Variants in ATPAF1 observed in about 807,000 individuals in gnomAD.
ATPAF1 encodes the protein homolog of yeast ATP11.
ATPAF1 carries 26 observed loss-of-function variants against 43.9 expected under a neutral mutation model. That is an observed-to-expected ratio of 0.59 (90% CI 0.43 to 0.82). The LOEUF (loss-of-function observed/expected upper bound fraction) is 0.82, where lower values mean the gene tolerates loss of function less well. Ranked by LOEUF, ATPAF1 falls within the 40% of genes least tolerant of loss-of-function variation. The probability of loss-of-function intolerance (pLI) is 0.00; values close to 1 mark genes in which losing one functional copy is unlikely to be tolerated. For synonymous variants in ATPAF1, 157 were observed against 168.0 expected (o/e 0.93, Z 0.50); for missense variants, 366 against 435.0 (o/e 0.84, Z 1.41).
At chr1:46,633,630 A>G (rs1002985381), downstream of ATPAF1, 14 of 411,684 alleles carry the variant, frequency 3.4e-5, no homozygotes, top group Admixed American at 1.1e-4. Context: ...AAATAAATAT[A>G]AAGAACAGCT....
intron 4 of ATPAF1, among the ~76,000 whole-genome samples, chr1:46,657,595 A>G (rs1023256011): frequency 5.3e-5 from 8 of 152,182 alleles, no homozygotes; most frequent in Non-Finnish European, 8.8e-5. Context: ...AAATAACTCT[A>G]TGAGGTAAGT....
At chr1:46,664,304 C>T (rs1338521331) in intron 2 of ATPAF1, among the ~76,000 whole-genome samples, 1 of 152,158 alleles carries the variant, frequency 6.6e-6, no homozygotes, top group African/African-American at 2.4e-5. Flanking sequence ...ATCTCTTCAG[C>T]ACAACTCTGT....
At chr1:46,634,049 T>C (rs723334), downstream of ATPAF1, 220,496 of 346,526 alleles carry the variant, frequency 0.64, 73,897 homozygotes, top group Non-Finnish European at 0.73. Context: ...AGTGAAAGGA[T>C]AGCAGCTTCC....
chr1:46,665,284 C>G, exon 2 of ATPAF1: 1 of 1,614,288 alleles, frequency 6.2e-7, no homozygotes, highest in Non-Finnish European at 8.5e-7. Flanking sequence ...GATAAAATCA[C>G]CTTGCCTGGA....
chr1:46,658,221 A>G (rs1292094263), intron 3 of ATPAF1, 32 bp from the exon 4 acceptor site: 18 of 1,465,798 alleles, frequency 1.2e-5, no homozygotes, highest in Non-Finnish European at 1.3e-5. Flanking sequence ...CAATTAACAC[A>G]TAATTAAAAA....
At chr1:46,634,173 C>T (rs1385983050), downstream of ATPAF1, 1 of 246,412 alleles carries the variant, frequency 4.1e-6, no homozygotes, top group Non-Finnish European at 7.9e-6. Flanking sequence ...AGCTTAGGGA[C>T]AGGCCCAACC....
chr1:46,639,233 C>T (rs1569592253), intron 8 of ATPAF1, among the ~76,000 whole-genome samples: 1 of 47,178 alleles, frequency 2.1e-5, no homozygotes, highest in Admixed American at 3.4e-4. Context: ...CATATACACA[C>T]ATACACACAC....
intron 8 of ATPAF1, among the ~76,000 whole-genome samples, chr1:46,640,391 C>T (rs912487953): frequency 6.6e-6 from 1 of 152,196 alleles, no homozygotes; most frequent in African/African-American, 2.4e-5. Context: ...GGGTCGATTA[C>T]CTGAGGTCAG....
chr1:46,661,599 G>C (rs1676388349), intron 2 of ATPAF1, among the ~76,000 whole-genome samples: 2 of 152,128 alleles, frequency 1.3e-5, no homozygotes, highest in African/African-American at 4.8e-5. Flanking sequence ...TCCCACCTGA[G>C]GTTATACATA....
chr1:46,654,703 C>G (rs915710929), intron 4 of ATPAF1, among the ~76,000 whole-genome samples: 1 of 151,958 alleles, frequency 6.6e-6, no homozygotes, highest in African/African-American at 2.4e-5. Flanking sequence ...CCTCCACCCC[C>G]TGACAGGCCC....
chr1:46,664,254 C>CT (rs1281948397), intron 2 of ATPAF1, among the ~76,000 whole-genome samples: 1 of 152,172 alleles, frequency 6.6e-6, no homozygotes, highest in African/African-American at 2.4e-5. Context: ...ATATTAAGTA[C>CT]TTATGCCAGA....
chr1:46,641,617 C>T (rs1675951847), intron 8 of ATPAF1, among the ~76,000 whole-genome samples: 1 of 152,156 alleles, frequency 6.6e-6, no homozygotes, highest in South Asian at 2.1e-4. Context: ...CCAGTGACTT[C>T]CATGTTTGTG....
chr1:46,645,527 CTT>C (rs60052594), intron 6 of ATPAF1, among the ~76,000 whole-genome samples: 12 of 141,130 alleles, frequency 8.5e-5, no homozygotes, highest in Non-Finnish European at 7.8e-5. Context: ...AGCCTGGCTA[CTT>C]TTTTTTTTTT....
rs537710264 is a variant in ATPAF1, at chr1:46,645,532, T to C, written c.589-276A>G. Among the ~76,000 whole-genome samples the C allele has an allele frequency of 4.0e-4, 61 of 151,988 alleles. 1 individual carries two copies. The highest frequency in any genetic ancestry group is 9.2e-4 in the Admixed American group (14 of 15,256). On this transcript the variant is annotated intron_variant, in intron 6 of 8. Coordinates refer to ENST00000574428, the Ensembl canonical transcript of ATPAF1. The stretch of plus-strand genomic sequence containing the variant: ...TGCACCACTAAGCCTGGCTACTTTT[T>C]TTTTTTTTTTGGTAGAGATGGGGTT...
In ATPAF1 at chr1:46,653,745, CA is replaced by C; in HGVS notation, c.540+71del. On this transcript the variant is annotated intron_variant, in intron 5 of 8. Transcript: ENST00000574428. This position sits in a 1 kb window ranked among gnomAD's most constrained non-coding sequence, Gnocchi z 4.8. ...GCAATAAACATAGGAAAAGTAAAGG[CA>C]ACTGCCTGCTAAGGTTAGAGAACTG... 1 of 1,445,802 alleles carries C rather than the reference CA, an allele frequency of 6.9e-7. No individual in the cohort carries two copies. The highest frequency in any genetic ancestry group is 2.4e-5 in the East Asian group (1 of 42,358). 89.6% of individuals were successfully genotyped at this position (1,445,802 alleles called of 1,614,324 possible).
Position 46,646,102 on chromosome 1 carries a change from G to C in ATPAF1, c.589-846C>G, listed in dbSNP as rs2148817815. On this transcript the variant is annotated intron_variant, in intron 6 of 8. Transcript: ENST00000574428. Reference sequence around the variant, plus strand: ...AGGCAGGAGGACTGATTGAGCCCAGGAGTTTGAGACCAGCCTGGGCAACAT... The same window carrying C: ...AGGCAGGAGGACTGATTGAGCCCAGCAGTTTGAGACCAGCCTGGGCAACAT... 2.6e-5 allele frequency among the ~76,000 whole-genome samples: 4 copies of C among 152,346 alleles called. 1 individual carries two copies. Among genetic ancestry groups the C allele is most frequent in the Middle Eastern group, 6.8e-3 (2 of 294 alleles).
intron 8 of ATPAF1, 66 bp from the exon 9 acceptor site, chr1:46,636,036 T>C (rs1675833580): frequency 6.4e-7 from 1 of 1,572,216 alleles, no homozygotes. Context: ...GTCTGAATTG[T>C]GTGGTGGGTG....
Position 46,653,978 on chromosome 1 carries a change from G to C in ATPAF1, c.490-111C>G. ...GAGGAATATGCTATTTGATAACAGA[G>C]AGGAAAAACCCAGTATAACGCTTTC... is the stretch of plus-strand genomic sequence containing the variant. On this transcript the variant is annotated intron_variant, in intron 4 of 8. Coordinates refer to ENST00000574428, the Ensembl canonical transcript of ATPAF1. This position sits in a 1 kb window ranked among gnomAD's most constrained non-coding sequence, Gnocchi z 4.8. The C allele has an allele frequency of 1.0e-6, 1 of 957,514 alleles. No homozygotes were observed. 59.3% of individuals were successfully genotyped at this position (957,514 alleles called of 1,614,324 possible).
chr1:46,655,546 T>A (rs1157387889), intron 4 of ATPAF1, among the ~76,000 whole-genome samples: 3 of 152,224 alleles, frequency 2.0e-5, no homozygotes, highest in Non-Finnish European at 4.4e-5. Context: ...GTTACTTTAT[T>A]TCTTTCTAGC....
Sources: gnomAD v4.1 joint callset for allele counts (sites outside exome capture counted in the v4.1 genomes callset) on GRCh38, gnomAD v4.1.1 for gene constraint, Gnocchi (gnomAD v3.1) non-coding constraint, MANE v1.5 for transcripts, NCBI Gene and HGNC (gene_info 2026-07-23, HGNC 2026-07-21) for gene names.